The following NRG1 variants were observed in gnomAD, a reference collection of about 807,000 sequenced individuals.
NRG1 encodes pro-neuregulin-1, membrane-bound isoform.
NRG1 carries 18 observed loss-of-function variants against 63.8 expected under a neutral mutation model. The observed-to-expected ratio is 0.28, with a 90% confidence interval of 0.19 to 0.42. The LOEUF is 0.42. Ranked by LOEUF, NRG1 falls within the 10% of genes least tolerant of loss-of-function variation. NRG1 has a pLI of 1.00. For synonymous variants in NRG1, 302 were observed against 301.3 expected, an observed-to-expected ratio of 1.00 and a Z score of -0.02; for missense variants, 762 against 814.7, an observed-to-expected ratio of 0.94 and a Z score of 0.79.
chr8:32,578,582 T>TC (rs397768261), intron 1 of NRG1, among the ~76,000 whole-genome samples: 1 of 151,922 alleles, frequency 6.6e-6, no homozygotes, highest in Non-Finnish European at 1.5e-5. Context: ...GATTTTTTTT[T>TC]CACCACAGTG....
At chr8:32,294,972 C>T (rs1195075761) in intron 1 of NRG1, among the ~76,000 whole-genome samples, 2 of 152,138 alleles carry the variant, frequency 1.3e-5, no homozygotes, top group South Asian at 4.1e-4. Context: ...CTTATAAAAA[C>T]TCTAGCAATT....
chr8:32,709,356 C>G (rs13439185), intron 5 of NRG1, among the ~76,000 whole-genome samples: 12,929 of 152,028 alleles, frequency 0.085, 587 homozygotes, highest in Middle Eastern at 0.095. Context: ...ATAGCTTTAA[C>G]TTATTTTGAA....
At chr8:32,734,616 C>T (rs760036284) in intron 6 of NRG1, among the ~76,000 whole-genome samples, 13 of 152,138 alleles carry the variant, frequency 8.5e-5, no homozygotes, top group African/African-American at 2.4e-4. Flanking sequence ...CTAGATAGTG[C>T]GCTCTTCAGA....
At chr8:32,267,714 A>G (rs147568373) in intron 1 of NRG1, among the ~76,000 whole-genome samples, 1,601 of 152,226 alleles carry the variant, frequency 0.011, 13 homozygotes, top group Middle Eastern at 0.02. Context: ...ATTTATTGGT[A>G]ATTCAGATAA....
At chr8:32,746,568 A>G (rs1433573163) in intron 7 of NRG1, among the ~76,000 whole-genome samples, 1 of 152,180 alleles carries the variant, frequency 6.6e-6, no homozygotes, top group Non-Finnish European at 1.5e-5. Context: ...CAATTATAAA[A>G]TCCTAAGACA....
intron 1 of NRG1, among the ~76,000 whole-genome samples, chr8:32,345,543 C>A (rs931576324): frequency 6.6e-6 from 1 of 152,152 alleles, no homozygotes; most frequent in African/African-American, 2.4e-5. Context: ...CTTAAAAAGA[C>A]CCTCTTCTCC....
exon 12 of NRG1, chr8:32,764,440 A>G: frequency 6.9e-7 from 1 of 1,444,938 alleles, no homozygotes; most frequent in Non-Finnish European, 9.2e-7. Flanking sequence ...GTAAAACTTT[A>G]TTTTATATAA....
chr8:31,789,382 G>T (rs1820476707), intron 1 of NRG1, among the ~76,000 whole-genome samples: 1 of 152,202 alleles, frequency 6.6e-6, no homozygotes. Flanking sequence ...TTTTGAATTT[G>T]TCTTGGAGGA....
chr8:31,790,756 A>G (rs1820619585), intron 1 of NRG1, among the ~76,000 whole-genome samples: 1 of 152,146 alleles, frequency 6.6e-6, no homozygotes, highest in Admixed American at 6.6e-5. Context: ...GGGCTACACA[A>G]AGGGAACTGA....
chr8:32,341,650 T>C (rs1056663623), intron 1 of NRG1, among the ~76,000 whole-genome samples: 4 of 152,170 alleles, frequency 2.6e-5, no homozygotes, highest in Admixed American at 6.5e-5. Context: ...TGATCTCATT[T>C]GTTTGTTTTC....
chr8:32,168,382 G>A (rs1157578528), intron 1 of NRG1, among the ~76,000 whole-genome samples: 2 of 152,188 alleles, frequency 1.3e-5, no homozygotes. Context: ...TCTGATATCT[G>A]GTGTGCATGT....
chr8:31,810,300 G>A (rs959663402), intron 1 of NRG1, among the ~76,000 whole-genome samples: 2 of 151,990 alleles, frequency 1.3e-5, no homozygotes, highest in African/African-American at 4.8e-5. Context: ...GTATTCAGCG[G>A]CCTCAGAGAA....
intron 1 of NRG1, among the ~76,000 whole-genome samples, chr8:31,916,233 T>C (rs373906166): frequency 1.3e-5 from 2 of 152,284 alleles, no homozygotes; most frequent in South Asian, 4.1e-4. Context: ...TATTATACTT[T>C]AAGTTTTAGG....
At chr8:32,271,749 G>T (rs1190029456) in intron 1 of NRG1, among the ~76,000 whole-genome samples, 1 of 152,110 alleles carries the variant, frequency 6.6e-6, no homozygotes, top group African/African-American at 2.4e-5. Flanking sequence ...CTGGGGAACT[G>T]GTTAGTACAA....
At chr8:32,751,003 T>G (rs1828618789) in intron 7 of NRG1, 1 of 152,136 alleles carries the variant, frequency 6.6e-6, no homozygotes, top group Non-Finnish European at 1.5e-5. Flanking sequence ...TAACAGCATA[T>G]TTCTCATTTT....
intron 1 of NRG1, among the ~76,000 whole-genome samples, chr8:32,213,019 C>T (rs1167439417): frequency 6.6e-6 from 1 of 152,092 alleles, no homozygotes; most frequent in Non-Finnish European, 1.5e-5. Context: ...CTCCTTTTTA[C>T]CTTGAGGTAA....
At chr8:32,691,984 T>A (rs567285349) in intron 5 of NRG1, among the ~76,000 whole-genome samples, 16 of 152,354 alleles carry the variant, frequency 1.1e-4, no homozygotes, top group African/African-American at 3.8e-4. Flanking sequence ...TTATTGAACA[T>A]CCACCATATA....
At chr8:31,787,958 T>C (rs1168241189) in intron 1 of NRG1, among the ~76,000 whole-genome samples, 1 of 152,154 alleles carries the variant, frequency 6.6e-6, no homozygotes, top group Admixed American at 6.6e-5. Flanking sequence ...ACTCATTTAA[T>C]CTTCACAATG....
intron 1 of NRG1, among the ~76,000 whole-genome samples, chr8:31,853,833 T>G (rs920297555): frequency 4.6e-5 from 7 of 152,126 alleles, no homozygotes; most frequent in Non-Finnish European, 8.8e-5. Context: ...AGTTGTTGAA[T>G]TTTGTCAAAG....
Sources: allele counts gnomAD v4.1 joint callset (sites outside exome capture counted in the v4.1 genomes callset), GRCh38; gene constraint gnomAD v4.1.1; transcripts MANE v1.5; gene names NCBI Gene and HGNC (gene_info 2026-07-23, HGNC 2026-07-21).